The following IPMK variants were observed in gnomAD, a reference collection of about 807,000 sequenced individuals.
IPMK encodes inositol polyphosphate multikinase.
A neutral mutation model predicts 45.8 loss-of-function variants in IPMK; 17 were observed. That is an observed-to-expected ratio of 0.37 (90% CI 0.25 to 0.56). The LOEUF is 0.56. Ranked by LOEUF, IPMK falls within the 20% of genes least tolerant of loss-of-function variation. IPMK has a pLI of 0.79. For missense variants in IPMK, 399 were observed against 498.0 expected (o/e 0.80, Z 1.89); for synonymous variants, 180 against 184.3 (o/e 0.98, Z 0.19).
intron 4 of IPMK, among the ~76,000 whole-genome samples, chr10:58,202,677 A>C (rs942636255): frequency 2.6e-5 from 4 of 152,130 alleles, no homozygotes; most frequent in African/African-American, 7.2e-5. Flanking sequence ...AAACAAAAAA[A>C]TGTGCTGAAT....
intron 2 of IPMK, among the ~76,000 whole-genome samples, 168 bp downstream of exon 2, chr10:58,237,561 T>C (rs1838632516): frequency 6.6e-6 from 1 of 152,214 alleles, no homozygotes; most frequent in African/African-American, 2.4e-5. Context: ...TAGAAAATAC[T>C]AGACTGCATC....
chr10:58,235,923 C>CT (rs1397406531), intron 2 of IPMK, among the ~76,000 whole-genome samples: 1 of 151,462 alleles, frequency 6.6e-6, no homozygotes, highest in Non-Finnish European at 1.5e-5. Flanking sequence ...TAAAGAACTT[C>CT]TTAAAGAACT....
At chr10:58,239,132 G>A (rs997139831) in intron 1 of IPMK, among the ~76,000 whole-genome samples, 1 of 152,150 alleles carries the variant, frequency 6.6e-6, no homozygotes, top group African/African-American at 2.4e-5. Flanking sequence ...CTGGGCGACA[G>A]AGCGAGAGCC....
At chr10:58,202,402 T>G (rs547711938) in intron 4 of IPMK, among the ~76,000 whole-genome samples, 2 of 152,288 alleles carry the variant, frequency 1.3e-5, no homozygotes, top group African/African-American at 4.8e-5. Flanking sequence ...CTCCCAGCCC[T>G]TTGGGAGGCT....
At chr10:58,246,844 C>A (rs7922032) in intron 1 of IPMK, among the ~76,000 whole-genome samples, 50,501 of 150,140 alleles carry the variant, frequency 0.34, 10,670 homozygotes, top group African/African-American at 0.6. Context: ...CAGCAAAAGA[C>A]ACTACCATCA....
intron 1 of IPMK, among the ~76,000 whole-genome samples, chr10:58,243,978 CG>C (rs55979698): frequency 1 from 148,668 of 148,910 alleles, 74,213 homozygotes; most frequent in Non-Finnish European, 1. Flanking sequence ...CTCTGCCTGG[CG>C]CGCCGCCCCG....
chr10:58,194,642 T>G lies in IPMK; in HGVS notation c.*1434A>C, dbSNP rs965551591. The G allele has an allele frequency of 6.6e-6, 1 of 151,762 alleles. No homozygotes were observed. The highest frequency in any genetic ancestry group is 1.5e-5 in the Non-Finnish European group (1 of 67,758). The allele number at this position is 151,762 out of a possible 1,614,324, so 9.4% of individuals were successfully genotyped here. On this transcript the variant is annotated 3_prime_UTR_variant, in exon 6 of 6. Transcript: ENST00000373935. Reference sequence around the variant, plus strand: ...AATTTTCTCCACACCACAATAAAGGTGCTCGGATTTAAAAATTCAATTTGT... The same window carrying G: ...AATTTTCTCCACACCACAATAAAGGGGCTCGGATTTAAAAATTCAATTTGT...
rs1185855452 is a variant in IPMK at position 58,195,837 on chromosome 10, C to T, written c.*239G>A. ...CCAAAAAAGATGTTTAAGCCATGTA[C>T]CACCACATTCCCTGCTTAACATTCC... is the stretch of plus-strand genomic sequence containing the variant. On this transcript the variant is annotated 3_prime_UTR_variant, in exon 6 of 6. Coordinates refer to ENST00000373935, the MANE Select transcript of IPMK (RefSeq NM_152230.5). The T allele has an allele frequency of 4.6e-6, 2 of 430,526 alleles. No homozygotes were observed. The highest frequency in any genetic ancestry group is 4.1e-5 in the African/African-American group (2 of 49,198). The allele number at this position is 430,526 out of a possible 1,614,324, so 26.7% of individuals were successfully genotyped here.
At chr10:58,199,936 T>C (rs1473029333) in intron 4 of IPMK, among the ~76,000 whole-genome samples, 2 of 152,108 alleles carry the variant, frequency 1.3e-5, no homozygotes, top group African/African-American at 4.8e-5. Context: ...ACCCCATTTA[T>C]AAAATGTAAC....
rs763211910 is a variant in IPMK at position 58,216,244 on chromosome 10, T to C, written c.447A>G (p.Gln149=). ...KPCIMDVKIG[Q]KSYDPFASSE... ...ATGAGGCAAAAGGATCATAGCTTTT[T>C]TGCCCTATCTTTACATCCATTATAC... Residue 149 remains glutamine (Q), a synonymous_variant, in exon 4 of 6, where the codon CAA becomes CAG. Coordinates refer to ENST00000373935, the MANE Select transcript of IPMK (RefSeq NM_152230.5). 6.2e-7 allele frequency: 1 copy of C among 1,611,492 alleles called. No individual in the cohort carries two copies. The highest frequency in any genetic ancestry group is 1.7e-5 in the Admixed American group (1 of 59,844).
In IPMK at chr10:58,216,562, C is replaced by T. The variant is rs553715592; in HGVS notation, c.374-245G>A. 6.6e-5 allele frequency among the ~76,000 whole-genome samples: 10 copies of T among 151,386 alleles called. No homozygotes were observed. The East Asian group carries it at 1.4e-3, about 21-fold the overall frequency. On this transcript the variant is annotated intron_variant, in intron 3 of 5. Coordinates refer to ENST00000373935, the MANE Select transcript of IPMK (RefSeq NM_152230.5). The stretch of plus-strand genomic sequence containing the variant: ...AATAAATTCAACCACAAGCAAAAGA[C>T]AGCAGATACGAGGTTTCCAACAATA...
chr10:58,205,768 T>G (rs758686798), intron 4 of IPMK, among the ~76,000 whole-genome samples: 42 of 152,178 alleles, frequency 2.8e-4, no homozygotes, highest in Non-Finnish European at 5.4e-4. Context: ...AATCTCAGAA[T>G]TTACCACTAT....
Position 58,222,031 on chromosome 10 carries a change from T to C in IPMK, c.373+5012A>G, listed in dbSNP as rs551589025. On this transcript the variant is annotated intron_variant, in intron 3 of 5. Coordinates refer to ENST00000373935, the MANE Select transcript of IPMK (RefSeq NM_152230.5). ...CCTAAAGTGCTGGGATTACAGGCATTAGCCACTGCACCTGGCCTAATTTTT... is the reference window on the plus strand; with the variant it reads ...CCTAAAGTGCTGGGATTACAGGCATCAGCCACTGCACCTGGCCTAATTTTT... Among the ~76,000 whole-genome samples, 7 of 152,166 alleles carry C rather than the reference T, an allele frequency of 4.6e-5. No individual in the cohort carries two copies. The East Asian group carries it at 1.4e-3, about 29-fold the overall frequency.
At chr10:58,258,529 A>G (rs1258674432) in intron 1 of IPMK, among the ~76,000 whole-genome samples, 1 of 152,212 alleles carries the variant, frequency 6.6e-6, no homozygotes, top group Non-Finnish European at 1.5e-5. Flanking sequence ...ATATTCACAT[A>G]GGGAATATTC....
intron 1 of IPMK, among the ~76,000 whole-genome samples, chr10:58,256,151 A>T (rs993252870): frequency 1.3e-5 from 2 of 152,202 alleles, no homozygotes; most frequent in Admixed American, 1.3e-4. Context: ...CAAGGGAGAT[A>T]ACAATAAGGT....
In IPMK at chr10:58,224,450, CCACTGCT is replaced by C. The variant is rs1329452267; in HGVS notation, c.373+2586_373+2592del. ...CAACAAATGTTATATTTTTAAAATT[CCACTGCT>C]CATGTTCTAAAATTAGATAATTGTG... On this transcript the variant is annotated intron_variant, in intron 3 of 5. Coordinates refer to ENST00000373935, the MANE Select transcript of IPMK (RefSeq NM_152230.5). Among the ~76,000 whole-genome samples the C allele has an allele frequency of 3.9e-5, 6 of 152,198 alleles. No homozygotes were observed. In the East Asian group the frequency reaches 1.2e-3, roughly 29 times the overall value.
intron 1 of IPMK, among the ~76,000 whole-genome samples, chr10:58,266,576 C>A (rs1839150586): frequency 2.0e-5 from 3 of 152,128 alleles, no homozygotes; most frequent in African/African-American, 4.8e-5. Flanking sequence ...AGTGGCTCTT[C>A]CGGGTCAAAG....
chr10:58,248,923 A>G (rs1451107121), intron 1 of IPMK, among the ~76,000 whole-genome samples: 1 of 152,072 alleles, frequency 6.6e-6, no homozygotes, highest in Non-Finnish European at 1.5e-5. Flanking sequence ...CATTTTCTTT[A>G]TCTATTCATC....
At chr10:58,208,108 T>A (rs1838099787) in intron 4 of IPMK, among the ~76,000 whole-genome samples, 1 of 151,966 alleles carries the variant, frequency 6.6e-6, no homozygotes, top group South Asian at 2.1e-4. Context: ...GCCCGGCTAA[T>A]TTTTTGTATT....
Sources: allele counts gnomAD v4.1 joint callset (sites outside exome capture counted in the v4.1 genomes callset), GRCh38; gene constraint gnomAD v4.1.1; transcripts MANE v1.5; gene names NCBI Gene and HGNC (gene_info 2026-07-23, HGNC 2026-07-21).